Variants in TBC1D16 observed in about 807,000 individuals in gnomAD.
The protein encoded by TBC1D16 is CTD-2529O21.1.
Under a neutral mutation model 74.7 loss-of-function variants are expected in TBC1D16, and 58 were observed. That is an observed-to-expected ratio of 0.78 (90% CI 0.63 to 0.97). The LOEUF (loss-of-function observed/expected upper bound fraction) is 0.97, where lower values mean the gene tolerates loss of function less well. TBC1D16 is among the 50% of genes least tolerant of loss of function. The pLI, the probability that TBC1D16 is intolerant of heterozygous loss-of-function variation, is 0.00. For missense variants in TBC1D16, 1,014 were observed against 1,079.5 expected (o/e 0.94, Z 0.85); for synonymous variants, 493 against 474.7 (o/e 1.04, Z -0.50).
In TBC1D16 at chr17:79,941,901, C is replaced by T. The variant is rs951612916; in HGVS notation, c.2055+159G>A. Among the ~76,000 whole-genome samples, 20 of 149,030 alleles carry T rather than the reference C, an allele frequency of 1.3e-4. No homozygotes were observed. The highest frequency in any genetic ancestry group is 2.8e-4 in the Non-Finnish European group (19 of 67,608). On this transcript the variant is annotated intron_variant, in intron 11 of 11. Transcript: ENST00000310924. This position sits in a 1 kb window ranked among gnomAD's most constrained non-coding sequence, Gnocchi z 4.3. ...AGGCCTTAGTGGGGAGCCCCCAGTG[C>T]TATGGGTGGGGGAGGGCACGTGCTG... is the stretch of plus-strand genomic sequence containing the variant.
At chr17:79,978,649 G>T (rs1452758386) in intron 3 of TBC1D16, among the ~76,000 whole-genome samples, 1 of 152,178 alleles carries the variant, frequency 6.6e-6, no homozygotes, top group African/African-American at 2.4e-5. Context: ...AGCTTCCGTG[G>T]GTCCCGTGCA....
chr17:80,012,511 T>G (rs1054276017), intron 2 of TBC1D16, among the ~76,000 whole-genome samples: 2 of 152,222 alleles, frequency 1.3e-5, no homozygotes, highest in Admixed American at 6.5e-5. Context: ...GTTTAAAAAT[T>G]TATTTATTCA....
intron 1 of TBC1D16, among the ~76,000 whole-genome samples, chr17:80,029,961 C>A (rs1038997410): frequency 1.6e-4 from 24 of 152,262 alleles, no homozygotes; most frequent in African/African-American, 5.5e-4. Flanking sequence ...CTTCCTGCAT[C>A]TTCAAGGCCA....
chr17:79,942,104 C>T lies in TBC1D16; in HGVS notation c.2011G>A (p.Gly671Arg), dbSNP rs770778543. ...LATDQMLLHF[G>R]NLAMHMNGEL... is the part of the protein sequence containing the mutation. ...CCGTTCATGTGCATGGCCAGGTTTC[C>T]GAAGTGCAGGAGCATCTGGTCCGTG... The change falls in exon 11 of 12, where the codon GGA becomes AGA. Residue 671 changes from glycine (G) to arginine (R), a missense_variant. Transcript: ENST00000310924. 74 of 1,612,212 alleles carry T rather than the reference C, an allele frequency of 4.6e-5. No individual in the cohort carries two copies. The highest frequency in any genetic ancestry group is 4.5e-5 in the East Asian group (2 of 44,880).
chr17:79,952,736 G>T lies in TBC1D16; in HGVS notation c.862C>A (p.Arg288=), dbSNP rs771244919. 4 of 1,611,968 alleles carry T rather than the reference G, an allele frequency of 2.5e-6. No homozygotes were observed. Among genetic ancestry groups the T allele is most frequent in the East Asian group, 2.2e-5 (1 of 44,854 alleles). Residue 288 remains arginine, a synonymous_variant, in exon 4 of 12, where the codon CGG becomes AGG. Transcript: ENST00000310924. ...CAAATCTGCTCCAGGGCGCACACCC[G>T]CTGCGGCTCGTCCCAGCGTGGGGTC... ...LQTPRWDEPQ[R]VCALEQICGV...
rs566802022 is a variant in TBC1D16, at chr17:80,008,290, AAAAG to A, written c.779+1866_779+1869del. 3.9e-5 allele frequency among the ~76,000 whole-genome samples: 6 copies of A among 152,288 alleles called. No homozygotes were observed. In the South Asian group the frequency reaches 8.3e-4, roughly 21 times the overall value. ...CAAACAGGGAAACCGAGGCTCCAAG[AAAAG>A]AAAGAATTTCCCAGGTTCACACTAA... On this transcript the variant is annotated intron_variant, in intron 3 of 11. Coordinates refer to ENST00000310924, the MANE Select transcript of TBC1D16 (RefSeq NM_019020.4). This position sits in a 1 kb window ranked among gnomAD's most constrained non-coding sequence, Gnocchi z 4.5.
rs148911257 is a variant in TBC1D16 at position 79,958,084 on chromosome 17, G to A, written c.780-5266C>T. Among the ~76,000 whole-genome samples, 71 of 151,972 alleles carry A rather than the reference G, an allele frequency of 4.7e-4. 1 individual carries two copies. The East Asian group carries it at 0.012, about 26-fold the overall frequency. ...TAATGAAATAAATGGAAATAGAAAC[G>A]GGATAACATGGTGGGGGGATGGTTT... On this transcript the variant is annotated intron_variant, in intron 3 of 11. Coordinates refer to ENST00000310924, the MANE Select transcript of TBC1D16 (RefSeq NM_019020.4).
chr17:80,019,973 C>T (rs1463863566), intron 1 of TBC1D16, among the ~76,000 whole-genome samples: 4 of 149,944 alleles, frequency 2.7e-5, no homozygotes, highest in Non-Finnish European at 5.9e-5. Context: ...TTTTTGAAGA[C>T]AGCATCTTTA....
At chr17:80,034,359 C>A (rs542574169) in intron 1 of TBC1D16, among the ~76,000 whole-genome samples, 1 of 150,664 alleles carries the variant, frequency 6.6e-6, no homozygotes, top group Non-Finnish European at 1.5e-5. Flanking sequence ...GCCACCACAC[C>A]GGGCTAATTT....
In TBC1D16 at chr17:80,008,387, G is replaced by C. The variant is rs1156761784; in HGVS notation, c.779+1773C>G. Among the ~76,000 whole-genome samples, 1 of 152,130 alleles carries C rather than the reference G, an allele frequency of 6.6e-6. No individual in the cohort carries two copies. The highest frequency in any genetic ancestry group is 2.4e-5 in the African/African-American group (1 of 41,418). ...CTAAACTTGAGCTCCCTACGAGATG[G>C]GGCTGCGGGACAGAGAGCTGACCGG... is the stretch of plus-strand genomic sequence containing the variant. On this transcript the variant is annotated intron_variant, in intron 3 of 11. Transcript: ENST00000310924. This position sits in a 1 kb window ranked among gnomAD's most constrained non-coding sequence, Gnocchi z 4.5.
chr17:79,969,997 T>C (rs1220451393), intron 3 of TBC1D16, among the ~76,000 whole-genome samples: 1 of 152,022 alleles, frequency 6.6e-6, no homozygotes, highest in Non-Finnish European at 1.5e-5. Flanking sequence ...TACACACATG[T>C]TCATAGTAGC....
rs555181850 is a variant in TBC1D16 at position 80,027,561 on chromosome 17, G to A, written c.-63+8234C>T. Among the ~76,000 whole-genome samples the A allele has an allele frequency of 3.0e-4, 45 of 152,154 alleles. No homozygotes were observed. The South Asian group carries it at 8.5e-3, about 29-fold the overall frequency. ...TGCAATGAGCTGTACTTGCGCCACTGCACTGCAGCCTGGGTGACAGAGCAA... is the reference window on the plus strand; with the variant it reads ...TGCAATGAGCTGTACTTGCGCCACTACACTGCAGCCTGGGTGACAGAGCAA... On this transcript the variant is annotated intron_variant, in intron 1 of 11. Transcript: ENST00000310924.
chr17:80,028,607 C>A (rs11653671), intron 1 of TBC1D16, among the ~76,000 whole-genome samples: 10,881 of 149,596 alleles, frequency 0.073, 468 homozygotes, highest in East Asian at 0.17. Context: ...ACCATCAGAC[C>A]GGGGCATGAT....
At chr17:79,974,303 A>T (rs1045601959) in intron 3 of TBC1D16, among the ~76,000 whole-genome samples, 2 of 151,954 alleles carry the variant, frequency 1.3e-5, no homozygotes, top group Non-Finnish European at 2.9e-5. Context: ...CAGTGGTGCA[A>T]TCTCGGTTCA....
In TBC1D16 at chr17:79,942,219, G is replaced by A. The variant is rs777879157; in HGVS notation, c.1909-13C>T. On this transcript the variant is annotated splice_polypyrimidine_tract_variant and intron_variant, in intron 10 of 11. Transcript: ENST00000310924. ...GGAAGTAGTCCGTCTGTGGAGGCGG[G>A]TAGAGTTCAGACACGGGCTCTGACC... 115 of 1,579,482 alleles carry A rather than the reference G, an allele frequency of 7.3e-5. No individual in the cohort carries two copies. The highest frequency in any genetic ancestry group is 5.8e-4 in the East Asian group (25 of 43,018).
chr17:80,010,852 C>A lies in TBC1D16; in HGVS notation c.182-95G>T, dbSNP rs111756635. On this transcript the variant is annotated intron_variant, in intron 2 of 11. Transcript: ENST00000310924. This position sits in a 1 kb window ranked among gnomAD's most constrained non-coding sequence, Gnocchi z 8.8. ...GGCGAGCTGCTCGGAGAGGCCACTGCCCTTTAGTAAAGTGCCAGTCCGGCC... is the reference window on the plus strand; with the variant it reads ...GGCGAGCTGCTCGGAGAGGCCACTGACCTTTAGTAAAGTGCCAGTCCGGCC... The A allele has an allele frequency of 1.4e-5, 13 of 917,090 alleles. No individual in the cohort carries two copies. In the African/African-American group the frequency reaches 1.5e-4, roughly 11 times the overall value. 56.8% of individuals were successfully genotyped at this position (917,090 alleles called of 1,614,324 possible).
At chr17:80,034,675 T>C (rs1182853890) in intron 1 of TBC1D16, among the ~76,000 whole-genome samples, 1 of 152,246 alleles carries the variant, frequency 6.6e-6, no homozygotes, top group African/African-American at 2.4e-5. Context: ...TACAAAAGCT[T>C]TCATGGTTCT....
intron 7 of TBC1D16, among the ~76,000 whole-genome samples, chr17:79,949,269 T>A (rs2032832149): frequency 6.6e-6 from 1 of 152,240 alleles, no homozygotes; most frequent in African/African-American, 2.4e-5. Flanking sequence ...AATGAGGCCT[T>A]GGCCCTGGCC....
intron 4 of TBC1D16, 54 bp from the exon 5 acceptor site, chr17:79,951,651 G>T: frequency 1.3e-6 from 2 of 1,583,716 alleles, no homozygotes; most frequent in Admixed American, 3.5e-5. Flanking sequence ...GTAAACACGG[G>T]GGTTTTATTT....
Sources: allele counts gnomAD v4.1 joint callset (sites outside exome capture counted in the v4.1 genomes callset), GRCh38; gene constraint gnomAD v4.1.1; non-coding constraint Gnocchi (gnomAD v3.1); transcripts MANE v1.5; gene names NCBI Gene and HGNC (gene_info 2026-07-23, HGNC 2026-07-21).